CCSER1: variants seen among roughly 807,000 people sequenced by gnomAD.
CCSER1 encodes the protein coiled-coil serine rich protein 1.
CCSER1 carries 41 observed loss-of-function variants against 82.0 expected under a neutral mutation model. That is an observed-to-expected ratio of 0.50 (90% confidence interval 0.39 to 0.65). The LOEUF (loss-of-function observed/expected upper bound fraction) is 0.65, where lower values mean the gene tolerates loss of function less well. CCSER1 is among the 30% of genes least tolerant of loss of function. CCSER1 has a pLI of 0.00. For synonymous variants in CCSER1, 414 were observed against 383.9 expected, an observed-to-expected ratio of 1.08 and a Z score of -0.92; for missense variants, 1,119 against 1,064.2, an observed-to-expected ratio of 1.05 and a Z score of -0.72.
intron 5 of CCSER1, among the ~76,000 whole-genome samples, chr4:90,568,123 G>C (rs1306410890): frequency 6.6e-6 from 1 of 152,190 alleles, no homozygotes; most frequent in African/African-American, 2.4e-5. Flanking sequence ...CTGTCCTGGA[G>C]AATGTTCCAG....
chr4:91,367,333 A>G (rs1280285597), intron 10 of CCSER1, among the ~76,000 whole-genome samples: 1 of 149,996 alleles, frequency 6.7e-6, no homozygotes, highest in African/African-American at 2.4e-5. Context: ...AAAAAAAAAA[A>G]AAAAAGTTAA....
Position 90,873,890 on chromosome 4 carries a change from A to G in CCSER1, c.2095-49480A>G, listed in dbSNP as rs1368310737. 2.6e-5 allele frequency among the ~76,000 whole-genome samples: 4 copies of G among 152,162 alleles called. No individual in the cohort carries two copies. In the East Asian group the frequency reaches 5.8e-4, roughly 22 times the overall value. ...TTCATAGTCCCAATGAGCTTTTCTC[A>G]TATTTTTGATTTATCAAAATGCATG... On this transcript the variant is annotated intron_variant, in intron 8 of 10. Transcript: ENST00000509176.
intron 7 of CCSER1, among the ~76,000 whole-genome samples, chr4:90,799,260 A>G (rs1441149887): frequency 6.6e-6 from 1 of 152,116 alleles, no homozygotes; most frequent in East Asian, 1.9e-4. Context: ...CAGTATTAGC[A>G]CAAGGGCAGG....
At chr4:91,220,436 T>A (rs1737641772) in intron 10 of CCSER1, among the ~76,000 whole-genome samples, 1 of 152,188 alleles carries the variant, frequency 6.6e-6, no homozygotes, top group Non-Finnish European at 1.5e-5. Context: ...ATTATGTGAT[T>A]AACAGGAATA....
At chr4:91,268,695 G>A (rs1255636344) in intron 10 of CCSER1, among the ~76,000 whole-genome samples, 1 of 152,144 alleles carries the variant, frequency 6.6e-6, no homozygotes, top group Non-Finnish European at 1.5e-5. Context: ...GATTTGGGTG[G>A]GTAGTGGAAA....
chr4:90,548,164 G>A (rs2153639164), intron 5 of CCSER1, among the ~76,000 whole-genome samples: 1 of 152,150 alleles, frequency 6.6e-6, no homozygotes, highest in South Asian at 2.1e-4. Context: ...CTTTTAAGAG[G>A]GCCAAGTCTG....
chr4:90,791,864 T>C (rs1439759027), intron 7 of CCSER1, among the ~76,000 whole-genome samples: 1 of 150,674 alleles, frequency 6.6e-6, no homozygotes, highest in East Asian at 1.9e-4. Context: ...TAAGATGTAA[T>C]GCTATTGAAC....
At chr4:91,272,727 G>T (rs1459806447) in intron 10 of CCSER1, among the ~76,000 whole-genome samples, 1 of 152,116 alleles carries the variant, frequency 6.6e-6, no homozygotes, top group Non-Finnish European at 1.5e-5. Context: ...TATAGTTTCA[G>T]GTCTTAGATT....
intron 7 of CCSER1, among the ~76,000 whole-genome samples, chr4:90,752,073 T>C (rs2041471639): frequency 1.3e-5 from 2 of 152,264 alleles, no homozygotes; most frequent in Middle Eastern, 3.4e-3. Flanking sequence ...CTTTAATTTA[T>C]TGAGCACTTC....
chr4:90,921,178 G>T (rs1297543530), intron 8 of CCSER1, among the ~76,000 whole-genome samples: 1 of 151,708 alleles, frequency 6.6e-6, no homozygotes, highest in Non-Finnish European at 1.5e-5. Flanking sequence ...AAATACAAGA[G>T]CTCCATCAAG....
intron 1 of CCSER1, among the ~76,000 whole-genome samples, chr4:90,205,314 A>G (rs1030892051): frequency 9.2e-5 from 14 of 152,122 alleles, no homozygotes; most frequent in Non-Finnish European, 1.5e-4. Flanking sequence ...ATTCAGTATG[A>G]TATTGGCTGT....
At chr4:91,181,549 T>A (rs1166227438) in intron 10 of CCSER1, among the ~76,000 whole-genome samples, 2 of 152,204 alleles carry the variant, frequency 1.3e-5, no homozygotes, top group Admixed American at 1.3e-4. Flanking sequence ...TGGTTCCAGA[T>A]AATAGGAACT....
chr4:90,859,866 G>T (rs1418754586), intron 8 of CCSER1, among the ~76,000 whole-genome samples: 2 of 151,666 alleles, frequency 1.3e-5, no homozygotes, highest in Non-Finnish European at 3.0e-5. Context: ...TTTTAACACA[G>T]ATTTTATTTC....
chr4:90,545,475 A>G (rs1020877008), intron 5 of CCSER1, among the ~76,000 whole-genome samples: 1 of 152,144 alleles, frequency 6.6e-6, no homozygotes, highest in Non-Finnish European at 1.5e-5. Flanking sequence ...ATGATATTCC[A>G]TTGCTGAGAG....
chr4:91,505,063 C>T (rs191511153), intron 10 of CCSER1, among the ~76,000 whole-genome samples: 5 of 152,240 alleles, frequency 3.3e-5, no homozygotes, highest in East Asian at 1.9e-4. Flanking sequence ...GCCCTGCATG[C>T]ATTAGCTATT....
chr4:91,446,118 G>A (rs1755538213), intron 10 of CCSER1, among the ~76,000 whole-genome samples: 1 of 151,962 alleles, frequency 6.6e-6, no homozygotes, highest in African/African-American at 2.4e-5. Context: ...TTGTTTTAAT[G>A]CCTAGTAAGA....
chr4:91,433,488 A>G (rs997404734), intron 10 of CCSER1, among the ~76,000 whole-genome samples: 2 of 151,984 alleles, frequency 1.3e-5, no homozygotes, highest in African/African-American at 4.8e-5. Context: ...AAACAAGGCA[A>G]ATGCCCTCCC....
Position 91,050,053 on chromosome 4 carries a change from C to G in CCSER1, c.2173-35897C>G, listed in dbSNP as rs541832445. ...TCCCTACCTCATGGGGTTGTTTTCA[C>G]AATCAGTTAGAGTATTTCATATATA... On this transcript the variant is annotated intron_variant, in intron 9 of 10. Coordinates refer to ENST00000509176, the MANE Select transcript of CCSER1 (RefSeq NM_001145065.2). 2.0e-5 allele frequency among the ~76,000 whole-genome samples: 3 copies of G among 152,262 alleles called. No individual in the cohort carries two copies. The South Asian group carries it at 6.2e-4, about 32-fold the overall frequency.
intron 6 of CCSER1, among the ~76,000 whole-genome samples, chr4:90,697,789 G>A (rs906175417): frequency 2.0e-5 from 3 of 152,106 alleles, no homozygotes; most frequent in African/African-American, 7.2e-5. Context: ...CTATGCAAAA[G>A]TCTTTTCACC....
Sources: gnomAD v4.1 joint callset for allele counts (sites outside exome capture counted in the v4.1 genomes callset) on GRCh38, gnomAD v4.1.1 for gene constraint, MANE v1.5 for transcripts, NCBI Gene and HGNC (gene_info 2026-07-23, HGNC 2026-07-21) for gene names.